ADARB2: variants seen among roughly 807,000 people sequenced by gnomAD.
ADARB2 encodes inactive double-stranded RNA-specific editase B2.
In ADARB2, 25 loss-of-function variants were observed where a neutral mutation model predicts 62.2. That is an observed-to-expected ratio of 0.40 (90% CI 0.29 to 0.56). ADARB2 has a LOEUF of 0.56. ADARB2 is among the 20% of genes least tolerant of loss of function. ADARB2 has a pLI of 0.43. For synonymous variants in ADARB2, 572 were observed against 500.8 expected, an observed-to-expected ratio of 1.14 and a Z score of -1.90; for missense variants, 1,071 against 1,077.4, an observed-to-expected ratio of 0.99 and a Z score of 0.08.
At chr10:1,649,325 T>C (rs1319975302) in intron 1 of ADARB2, among the ~76,000 whole-genome samples, 2 of 152,224 alleles carry the variant, frequency 1.3e-5, no homozygotes, top group South Asian at 2.1e-4. Context: ...TCAAAGTCCC[T>C]TGTGACTCTA....
At chr10:1,672,652 C>T (rs1002083835) in intron 1 of ADARB2, among the ~76,000 whole-genome samples, 6 of 150,512 alleles carry the variant, frequency 4.0e-5, no homozygotes, top group African/African-American at 1.5e-4. Context: ...TTGCAGGCCC[C>T]GCAAGGCTCC....
intron 1 of ADARB2, among the ~76,000 whole-genome samples, chr10:1,522,826 G>A (rs1286524475): frequency 6.6e-6 from 1 of 152,182 alleles, no homozygotes; most frequent in Non-Finnish European, 1.5e-5. Flanking sequence ...CGTGCCTGCA[G>A]CTCAGGCCAG....
At position 1,674,588 on chromosome 10, in the gene ADARB2, T is replaced by C. The variant is rs568290538; in HGVS notation, c.100+62463A>G. Among the ~76,000 whole-genome samples the C allele has an allele frequency of 5.1e-4, 77 of 152,286 alleles. 2 individuals are homozygous for C. In the South Asian group the frequency reaches 0.013, roughly 26 times the overall value. On this transcript the variant is annotated intron_variant, in intron 1 of 9. Transcript: ENST00000381312. The stretch of plus-strand genomic sequence containing the variant: ...GGCCAAAAACCTCAAGTTACTCCTG[T>C]CAAGCCCTTTGGTTGTGTTGCGGTT...
chr10:1,425,038 C>T (rs941234647), intron 1 of ADARB2, among the ~76,000 whole-genome samples: 14 of 152,184 alleles, frequency 9.2e-5, no homozygotes, highest in African/African-American at 2.4e-4. Flanking sequence ...TTCTAACGCA[C>T]GTCCTGGGGT....
intron 1 of ADARB2, among the ~76,000 whole-genome samples, chr10:1,578,416 A>T (rs532126085): frequency 6.6e-6 from 1 of 152,320 alleles, no homozygotes; most frequent in South Asian, 2.1e-4. Flanking sequence ...ACTGCAAGCG[A>T]CTTTGAAACC....
intron 1 of ADARB2, among the ~76,000 whole-genome samples, chr10:1,447,440 T>A (rs1830984558): frequency 6.6e-6 from 1 of 152,198 alleles, no homozygotes. Flanking sequence ...AGGAGATGGC[T>A]GTAAAGGATG....
intron 2 of ADARB2, among the ~76,000 whole-genome samples, chr10:1,375,690 C>T (rs1179003016): frequency 2.0e-5 from 3 of 151,992 alleles, no homozygotes; most frequent in Non-Finnish European, 4.4e-5. Flanking sequence ...CATGTGTGCT[C>T]CTACCACCCA....
chr10:1,434,041 AT>A, intron 1 of ADARB2, among the ~76,000 whole-genome samples: 1 of 152,274 alleles, frequency 6.6e-6, no homozygotes, highest in East Asian at 1.9e-4. Context: ...TTAGGTGCTG[AT>A]TTTTTTGTAA....
At chr10:1,382,227 C>T (rs942997462) in intron 1 of ADARB2, among the ~76,000 whole-genome samples, 4 of 152,196 alleles carry the variant, frequency 2.6e-5, no homozygotes, top group Non-Finnish European at 5.9e-5. Flanking sequence ...CCTAGTTATG[C>T]CTAACCAACT....
intron 3 of ADARB2, among the ~76,000 whole-genome samples, chr10:1,277,476 C>T (rs972717722): frequency 1.2e-4 from 18 of 152,332 alleles, no homozygotes; most frequent in African/African-American, 3.1e-4. Flanking sequence ...CTATAAACAC[C>T]TCTACGCAAA....
chr10:1,307,679 C>A (rs922670141), intron 3 of ADARB2, among the ~76,000 whole-genome samples: 1 of 100,564 alleles, frequency 9.9e-6, no homozygotes, highest in Non-Finnish European at 2.0e-5. Flanking sequence ...TGGAACCAAC[C>A]CAAATGTCCA....
chr10:1,478,117 G>A (rs926315228), intron 1 of ADARB2, among the ~76,000 whole-genome samples: 3 of 152,250 alleles, frequency 2.0e-5, no homozygotes, highest in Non-Finnish European at 4.4e-5. Flanking sequence ...GCCCTAACAG[G>A]CAGAGACTCC....
At chr10:1,507,048 T>G (rs61831919) in intron 1 of ADARB2, among the ~76,000 whole-genome samples, 23,740 of 152,240 alleles carry the variant, frequency 0.16, 2,236 homozygotes, top group Middle Eastern at 0.23. Flanking sequence ...GTCCACTGCC[T>G]AAGCCACCCA....
At chr10:1,724,559 G>A (rs74109522) in intron 1 of ADARB2, among the ~76,000 whole-genome samples, 2,623 of 152,270 alleles carry the variant, frequency 0.017, 63 homozygotes, top group African/African-American at 0.059. Context: ...TGTCATCCTG[G>A]GTCCCCGACA....
At chr10:1,403,747 C>A (rs1233302529) in intron 1 of ADARB2, among the ~76,000 whole-genome samples, 1 of 152,200 alleles carries the variant, frequency 6.6e-6, no homozygotes, top group African/African-American at 2.4e-5. Context: ...TCCTCTGTAA[C>A]CCACAGGCTT....
At chr10:1,359,362 T>A (rs1832227704) in intron 3 of ADARB2, among the ~76,000 whole-genome samples, 1 of 152,206 alleles carries the variant, frequency 6.6e-6, no homozygotes, top group South Asian at 2.1e-4. Context: ...TTTGTCACTC[T>A]GGCTGACTCG....
At chr10:1,471,964 T>C (rs1341620751) in intron 1 of ADARB2, among the ~76,000 whole-genome samples, 1 of 152,212 alleles carries the variant, frequency 6.6e-6, no homozygotes. Flanking sequence ...TAATTTTTGG[T>C]TGTGGTCATT....
intron 1 of ADARB2, among the ~76,000 whole-genome samples, chr10:1,483,138 T>C (rs1449336562): frequency 3.3e-5 from 5 of 152,210 alleles, no homozygotes; most frequent in Admixed American, 3.3e-4. Context: ...GAACCTATGG[T>C]AAACATTTTT....
rs1049188818 is a variant in ADARB2 at position 1,478,791 on chromosome 10, C to T, written c.101-99631G>A. Among the ~76,000 whole-genome samples the T allele has an allele frequency of 1.5e-4, 22 of 150,688 alleles. 1 individual carries two copies. The highest frequency in any genetic ancestry group is 2.7e-4 in the African/African-American group (11 of 40,804). ...GAGCGCCAAAATAAGGACCCTTGGA[C>T]GGGAGAGCACCAAAATAAGGACCTT... On this transcript the variant is annotated intron_variant, in intron 1 of 9. Coordinates refer to ENST00000381312, the MANE Select transcript of ADARB2 (RefSeq NM_018702.4).
Sources: gnomAD v4.1 joint callset for allele counts (sites outside exome capture counted in the v4.1 genomes callset) on GRCh38, gnomAD v4.1.1 for gene constraint, MANE v1.5 for transcripts, NCBI Gene and HGNC (gene_info 2026-07-23, HGNC 2026-07-21) for gene names.